CSNK1E: variants seen among roughly 807,000 people sequenced by gnomAD.
CSNK1E encodes the protein casein kinase 1 epsilon, also known as casein kinase I isoform epsilon.
A neutral mutation model predicts 46.1 loss-of-function variants in CSNK1E; 17 were observed. The observed-to-expected ratio is 0.37, with a 90% confidence interval of 0.25 to 0.55. CSNK1E has a LOEUF of 0.55. Among genes scored for constraint, CSNK1E ranks in the 20% least tolerant of loss-of-function variants. The probability of loss-of-function intolerance (pLI) is 0.82; values close to 1 mark genes in which losing one functional copy is unlikely to be tolerated. For synonymous variants in CSNK1E, 241 were observed against 242.6 expected (o/e 0.99, Z 0.06); for missense variants, 386 against 595.4 (o/e 0.65, Z 3.66).
chr22:38,295,937 C>G (rs950507693), intron 7 of CSNK1E, among the ~76,000 whole-genome samples: 1 of 152,278 alleles, frequency 6.6e-6, no homozygotes, highest in African/African-American at 2.4e-5. Flanking sequence ...GGGAGGAACA[C>G]GAGCTGTGGC....
intron 2 of CSNK1E, among the ~76,000 whole-genome samples, chr22:38,306,988 T>C (rs1266676362): frequency 6.6e-6 from 1 of 151,970 alleles, no homozygotes; most frequent in Non-Finnish European, 1.5e-5. Context: ...CTAAGCAACA[T>C]AGTGAGACCC....
chr22:38,303,783 G>C lies in CSNK1E; in HGVS notation c.77-535C>G, dbSNP rs541292684. 1.6e-4 allele frequency among the ~76,000 whole-genome samples: 24 copies of C among 152,236 alleles called. No individual in the cohort carries two copies. The highest frequency in any genetic ancestry group is 5.1e-4 in the African/African-American group (21 of 41,522). The stretch of plus-strand genomic sequence containing the variant: ...CACATTCTAATCCAGTGTCTCATTC[G>C]ATTCTCAACCCCCTTGTAGAGATGA... On this transcript the variant is annotated intron_variant, in intron 2 of 10. Coordinates refer to ENST00000396832, the MANE Select transcript of CSNK1E (RefSeq NM_152221.3). This position sits in a 1 kb window ranked among gnomAD's most constrained non-coding sequence, Gnocchi z 4.7.
Position 38,302,934 on chromosome 22 carries a change from C to A in CSNK1E, c.263G>T (p.Ser88Ile). ...NVMVMELLGP[S>I]LEDLFNFCSR... ...ACAGAAGTTGAACAGGTCCTCGAGG[C>A]TAGGCCCCAGCAGCTCCATGACCAT... Residue 88 changes from serine (S) to isoleucine (I), a missense_variant, in exon 4 of 11, where the codon AGC becomes ATC. Around this residue, in one of 2 missense-constraint regions of CSNK1E, gnomAD observed 212 missense variants for 410.2 expected, o/e 0.52. Coordinates refer to ENST00000396832, the MANE Select transcript of CSNK1E (RefSeq NM_152221.3). 1 of 1,614,130 alleles carries A rather than the reference C, an allele frequency of 6.2e-7. No homozygotes were observed. The highest frequency in any genetic ancestry group is 8.5e-7 in the Non-Finnish European group (1 of 1,180,012).
chr22:38,297,358 C>G (rs1232650976), intron 7 of CSNK1E, among the ~76,000 whole-genome samples: 1 of 152,226 alleles, frequency 6.6e-6, no homozygotes, highest in African/African-American at 2.4e-5. Context: ...GAAGACGTCC[C>G]CTGCCCATAT....
At chr22:38,296,691 T>C (rs1453282657) in intron 7 of CSNK1E, 24 of 1,610,952 alleles carry the variant, frequency 1.5e-5, no homozygotes, top group Middle Eastern at 1.6e-4. Flanking sequence ...CCTGGCCTGG[T>C]TGGAAAAGAG....
At chr22:38,293,083 G>A (rs2092619855) in intron 10 of CSNK1E, 172 bp downstream of exon 10, 1 of 621,090 alleles carries the variant, frequency 1.6e-6, no homozygotes, top group Non-Finnish European at 2.9e-6. Flanking sequence ...CCCAAGTCAG[G>A]CAGCCTCCGA....
chr22:38,296,274 G>A (rs1465145337), intron 7 of CSNK1E: 16 of 1,206,150 alleles, frequency 1.3e-5, no homozygotes, highest in Middle Eastern at 3.3e-4. Context: ...GCATCCACCC[G>A]TCATCATATG....
At chr22:38,315,639 G>C (rs1044124545) in intron 1 of CSNK1E, among the ~76,000 whole-genome samples, 1 of 114,142 alleles carries the variant, frequency 8.8e-6, no homozygotes, top group African/African-American at 3.2e-5. Context: ...GGGGGTAAGG[G>C]GGGGTGTGCA....
At chr22:38,299,257 G>A (rs1250248288) in intron 6 of CSNK1E, among the ~76,000 whole-genome samples, 1 of 152,212 alleles carries the variant, frequency 6.6e-6, no homozygotes, top group Non-Finnish European at 1.5e-5. Flanking sequence ...GGGGCCCACA[G>A]ATCAATCGTT....
At chr22:38,297,854 C>T in intron 7 of CSNK1E, 3 of 1,018,416 alleles carry the variant, frequency 2.9e-6, no homozygotes, top group Non-Finnish European at 2.4e-6. Flanking sequence ...TCAGGCCTGG[C>T]CCCGATGGGC....
rs1468685008 is a variant in CSNK1E, at chr22:38,298,996, C to A, written c.737-62G>T. 1.3e-6 allele frequency: 2 copies of A among 1,590,694 alleles called. No homozygotes were observed. The highest frequency in any genetic ancestry group is 2.7e-5 in the African/African-American group (2 of 74,510). The stretch of plus-strand genomic sequence containing the variant: ...GAGGCCCACGCTCCCAGACCCCCTG[C>A]AGCCAGCACTGTCCTAGCCACCCAC... On this transcript the variant is annotated intron_variant, in intron 6 of 10. Transcript: ENST00000396832. The surrounding 1 kb of genome is among the most constrained non-coding windows in gnomAD (Gnocchi z 4.2).
intron 1 of CSNK1E, among the ~76,000 whole-genome samples, chr22:38,315,321 C>T (rs1327123445): frequency 6.6e-6 from 1 of 152,250 alleles, no homozygotes; most frequent in African/African-American, 2.4e-5. Context: ...ATTCCAGGGA[C>T]AGTGGGCAGA....
Position 38,298,896 on chromosome 22 carries a change from G to A in CSNK1E, c.775C>T (p.Arg259Trp). Residue 259 changes from arginine (R) to tryptophan (W), a missense_variant, in exon 7 of 11, where the codon CGG (arginine) becomes TGG (tryptophan). Coordinates refer to ENST00000396832, the MANE Select transcript of CSNK1E (RefSeq NM_152221.3). This position sits in a 1 kb window ranked among gnomAD's most constrained non-coding sequence, Gnocchi z 4.2. ...GAGTAGTCGGGCTTGTCGTCAAACC[G>A]CAGGGAGCGGCAGAAGTTGAGGTAT... ...STYLNFCRSL[R>W]FDDKPDYSYL... 3 of 1,614,142 alleles carry A rather than the reference G, an allele frequency of 1.9e-6. No homozygotes were observed. The highest frequency in any genetic ancestry group is 2.5e-6 in the Non-Finnish European group (3 of 1,179,980).
chr22:38,297,046 T>C, intron 7 of CSNK1E: 1 of 734,922 alleles, frequency 1.4e-6, no homozygotes, highest in East Asian at 2.5e-5. Flanking sequence ...AGTGCTGGGA[T>C]TACAGGCATG....
rs1271479906 is a variant in CSNK1E at position 38,298,585 on chromosome 22, G to A, written c.885+201C>T. 7 of 616,570 alleles carry A rather than the reference G, an allele frequency of 1.1e-5. No individual in the cohort carries two copies. Among genetic ancestry groups the A allele is most frequent in the Non-Finnish European group, 2.0e-5 (7 of 355,272 alleles). The allele number at this position is 616,570 out of a possible 1,614,324, so 38.2% of individuals were successfully genotyped here. ...CGACGGGAGACAGCGCCCTGCCTGG[G>A]CCCTGCTGCCCATGGTGGCACAAGC... On this transcript the variant is annotated intron_variant, in intron 7 of 10. Coordinates refer to ENST00000396832, the MANE Select transcript of CSNK1E (RefSeq NM_152221.3). The surrounding 1 kb of genome is among the most constrained non-coding windows in gnomAD (Gnocchi z 4.2).
Position 38,309,464 on chromosome 22 carries a change from CTT to C in CSNK1E, c.76+4616_76+4617del, listed in dbSNP as rs916553144. Reference sequence around the variant, plus strand: ...GTACTACTGTTTGTATTTCTTTTTTCTTTTTTTTTTGAGACAGCTTCACTTTG... The same window carrying C: ...GTACTACTGTTTGTATTTCTTTTTTCTTTTTTTTGAGACAGCTTCACTTTG... On this transcript the variant is annotated intron_variant, in intron 2 of 10. Coordinates refer to ENST00000396832, the MANE Select transcript of CSNK1E (RefSeq NM_152221.3). This position sits in a 1 kb window ranked among gnomAD's most constrained non-coding sequence, Gnocchi z 4.8. 6.7e-6 allele frequency among the ~76,000 whole-genome samples: 1 copy of C among 148,780 alleles called. No homozygotes were observed. The highest frequency in any genetic ancestry group is 2.1e-4 in the South Asian group (1 of 4,708).
intron 1 of CSNK1E, chr22:38,316,741 G>C (rs1364795514): frequency 6.6e-6 from 1 of 152,196 alleles, no homozygotes; most frequent in Non-Finnish European, 1.5e-5. Flanking sequence ...GCCGGGGCCG[G>C]GAGAGCAGGG....
In CSNK1E at chr22:38,294,094, AG is replaced by A. The variant is rs768173185; in HGVS notation, c.1218+14del. The A allele has an allele frequency of 7.5e-6, 12 of 1,606,570 alleles. No homozygotes were observed. In the East Asian group the frequency reaches 1.3e-4, roughly 18 times the overall value. On this transcript the variant is annotated intron_variant, in intron 9 of 10. Coordinates refer to ENST00000396832, the MANE Select transcript of CSNK1E (RefSeq NM_152221.3). The surrounding 1 kb of genome is among the most constrained non-coding windows in gnomAD (Gnocchi z 5.5). ...AGTTCTGAGGCCCAGAGGGACTGGC[AG>A]GGGGGCAGCTCACCTGTGAGGCTGG...
rs2092604252 is a variant in CSNK1E, at chr22:38,290,743, C to A, written c.*1228G>T. ...TCAAATTAACAACCACGATAAAGCT[C>A]AAAAAAGTCCAATATTTACACAGGA... On this transcript the variant is annotated 3_prime_UTR_variant, in exon 11 of 11. Transcript: ENST00000396832. 1 of 151,676 alleles carries A rather than the reference C, an allele frequency of 6.6e-6. No homozygotes were observed. Among genetic ancestry groups the A allele is most frequent in the East Asian group, 1.9e-4 (1 of 5,154 alleles). The allele number at this position is 151,676 out of a possible 1,614,324, so 9.4% of individuals were successfully genotyped here.
Sources: gnomAD v4.1 joint callset for allele counts (sites outside exome capture counted in the v4.1 genomes callset) on GRCh38, gnomAD v4.1.1 for gene constraint, gnomAD v4.1.1 regional missense constraint, Gnocchi (gnomAD v3.1) non-coding constraint, MANE v1.5 for transcripts, NCBI Gene and HGNC (gene_info 2026-07-23, HGNC 2026-07-21) for gene names.